The following IQCH variants were observed in gnomAD, a reference collection of about 807,000 sequenced individuals.
The protein encoded by IQCH is IQ motif containing H, also known as IQ domain-containing protein H.
A neutral mutation model predicts 117.0 loss-of-function variants in IQCH; 98 were observed. The ratio of observed to expected loss-of-function variants is 0.84; its 90% confidence interval spans 0.71 to 0.99. IQCH has a LOEUF of 0.99. IQCH is among the 50% of genes least tolerant of loss of function. The probability of loss-of-function intolerance (pLI) is 0.00; values close to 1 mark genes in which losing one functional copy is unlikely to be tolerated. For synonymous variants in IQCH, 412 were observed against 448.2 expected, an observed-to-expected ratio of 0.92 and a Z score of 1.02; for missense variants, 1,102 against 1,243.8, an observed-to-expected ratio of 0.89 and a Z score of 1.72.
At chr15:67,327,123 A>G (rs1968447217) in intron 4 of IQCH, among the ~76,000 whole-genome samples, 1 of 152,208 alleles carries the variant, frequency 6.6e-6, no homozygotes, top group East Asian at 1.9e-4. Flanking sequence ...GTATAATTCA[A>G]TTTATAATTT....
intron 13 of IQCH, among the ~76,000 whole-genome samples, chr15:67,398,652 T>C (rs1371734774): frequency 3.9e-5 from 6 of 152,074 alleles, no homozygotes; most frequent in Non-Finnish European, 1.5e-5. Flanking sequence ...ATCAGGCCTT[T>C]AATCAAAATA....
Position 67,443,447 on chromosome 15 carries a change from G to A in IQCH, c.2506-21680G>A, listed in dbSNP as rs1290035268. 6.6e-6 allele frequency among the ~76,000 whole-genome samples: 1 copy of A among 151,578 alleles called. No homozygotes were observed. Among genetic ancestry groups the A allele is most frequent in the Admixed American group, 6.6e-5 (1 of 15,238 alleles). On this transcript the variant is annotated intron_variant, in intron 16 of 20. Transcript: ENST00000335894. This position sits in a 1 kb window ranked among gnomAD's most constrained non-coding sequence, Gnocchi z 5.0. ...GGGGGAAAGAGTGGGAGGGGGTGAG[G>A]GACAAAAGACCACAAATATGGTGGA...
chr15:67,446,211 TAAAG>T (rs766861962), intron 16 of IQCH, among the ~76,000 whole-genome samples: 10 of 152,320 alleles, frequency 6.6e-5, no homozygotes, highest in Admixed American at 1.3e-4. Flanking sequence ...ATTCACTTGT[TAAAG>T]AAAGAAATTT....
In IQCH at chr15:67,426,128, T is replaced by C. The variant is rs141513739; in HGVS notation, c.2505+4551T>C. On this transcript the variant is annotated intron_variant, in intron 16 of 20. Transcript: ENST00000335894. This position sits in a 1 kb window ranked among gnomAD's most constrained non-coding sequence, Gnocchi z 5.1. Reference sequence around the variant, plus strand: ...GGACCTAGGATCGACTCAGAAGCCCTGTAAGATCTGGGCTCTTAGTGCTGC... The same window carrying C: ...GGACCTAGGATCGACTCAGAAGCCCCGTAAGATCTGGGCTCTTAGTGCTGC... Among the ~76,000 whole-genome samples the C allele has an allele frequency of 6.6e-6, 1 of 152,186 alleles. No individual in the cohort carries two copies. Among genetic ancestry groups the C allele is most frequent in the Non-Finnish European group, 1.5e-5 (1 of 68,034 alleles).
chr15:67,272,624 G>A (rs192370830), intron 3 of IQCH, among the ~76,000 whole-genome samples: 1 of 152,292 alleles, frequency 6.6e-6, no homozygotes, highest in Non-Finnish European at 1.5e-5. Flanking sequence ...TGCGTGCATA[G>A]ACACTTACAC....
chr15:67,303,022 T>C (rs1308930406), intron 4 of IQCH, among the ~76,000 whole-genome samples: 1 of 152,226 alleles, frequency 6.6e-6, no homozygotes, highest in Admixed American at 6.5e-5. Context: ...ACAGACCCTT[T>C]ATAAATGCTT....
rs372446341 is a variant in IQCH, at chr15:67,421,536, G to C, written c.2464G>C (p.Asp822His). 1 of 1,614,194 alleles carries C rather than the reference G, an allele frequency of 6.2e-7. No individual in the cohort carries two copies. ...MRDVVGYFSI[D>H]LVTFIDPSTL... is the part of the protein sequence containing the mutation. ...AGATGTGGTTGGTTACTTTTCGATA[G>C]ATCTGGTGACTTTTATAGATCCAAG... The change falls in exon 16 of 21, where the codon GAT (aspartate) becomes CAT (histidine). Residue 822 changes from aspartate to histidine, a missense_variant. Asp to His is a moderately conservative substitution (Grantham distance 81). Around this residue, in one of 2 missense-constraint regions of IQCH, gnomAD observed 650 missense variants for 794.3 expected, o/e 0.82. Coordinates refer to ENST00000335894, the MANE Select transcript of IQCH (RefSeq NM_001031715.3).
In IQCH at chr15:67,458,407, C is replaced by T. The variant is rs373802472; in HGVS notation, c.2506-6720C>T. On this transcript the variant is annotated intron_variant, in intron 16 of 20. Transcript: ENST00000335894. This position sits in a 1 kb window ranked among gnomAD's most constrained non-coding sequence, Gnocchi z 4.1. ...ATCTATAATACAACCACTTCTCCCA[C>T]CTTCCAGTTACCAGTGTGGTCCAGC... 6.6e-6 allele frequency among the ~76,000 whole-genome samples: 1 copy of T among 152,234 alleles called. No individual in the cohort carries two copies. Among genetic ancestry groups the T allele is most frequent in the East Asian group, 1.9e-4 (1 of 5,200 alleles).
intron 4 of IQCH, 39 bp downstream of exon 4, chr15:67,279,551 A>C (rs752511221): frequency 8.4e-7 from 1 of 1,192,484 alleles, no homozygotes; most frequent in Admixed American, 2.0e-5. Flanking sequence ...AAAGTAGTTT[A>C]GTGATTGCCA....
At chr15:67,318,486 G>A (rs1049982068) in intron 4 of IQCH, among the ~76,000 whole-genome samples, 1 of 152,164 alleles carries the variant, frequency 6.6e-6, no homozygotes, top group Non-Finnish European at 1.5e-5. Context: ...TATGTCCAAT[G>A]TAATTCCAAT....
At position 67,357,434 on chromosome 15, in the gene IQCH, C is replaced by G. The variant is rs764214714; in HGVS notation, c.714+13C>G. ...ACAAAGATCAAAGGTATTTATATTC[C>G]TCACTATAGAAAGAAAATTATTCTT... is the stretch of plus-strand genomic sequence containing the variant. On this transcript the variant is annotated intron_variant, in intron 7 of 20. Transcript: ENST00000335894. The G allele has an allele frequency of 3.7e-5, 55 of 1,503,756 alleles. No homozygotes were observed. Among genetic ancestry groups the G allele is most frequent in the Middle Eastern group, 1.7e-4 (1 of 5,862 alleles). 93.2% of individuals were successfully genotyped at this position (1,503,756 alleles called of 1,614,324 possible).
At chr15:67,392,344 G>GA (rs1971313053) in intron 12 of IQCH, among the ~76,000 whole-genome samples, 1 of 152,090 alleles carries the variant, frequency 6.6e-6, no homozygotes, top group East Asian at 1.9e-4. Flanking sequence ...TAATTTATGG[G>GA]AAAAAGAAAA....
intron 5 of IQCH, among the ~76,000 whole-genome samples, chr15:67,338,241 A>ATCTATCTG (rs71455546): frequency 4.0e-5 from 6 of 150,818 alleles, no homozygotes; most frequent in African/African-American, 1.2e-4. Flanking sequence ...CTATCTATCT[A>ATCTATCTG]TCTATCTGTC....
At chr15:67,423,070 A>G (rs1294661791) in intron 16 of IQCH, among the ~76,000 whole-genome samples, 1 of 152,040 alleles carries the variant, frequency 6.6e-6, no homozygotes, top group Non-Finnish European at 1.5e-5. Flanking sequence ...ATCATTTTCC[A>G]TTTGCCTTCC....
In IQCH at chr15:67,416,275, T is replaced by C. The variant is rs1376339503; in HGVS notation, c.2098-656T>C. Among the ~76,000 whole-genome samples the C allele has an allele frequency of 6.6e-6, 1 of 152,030 alleles. No individual in the cohort carries two copies. Among genetic ancestry groups the C allele is most frequent in the African/African-American group, 2.4e-5 (1 of 41,406 alleles). On this transcript the variant is annotated intron_variant, in intron 14 of 20. Transcript: ENST00000335894. This position sits in a 1 kb window ranked among gnomAD's most constrained non-coding sequence, Gnocchi z 5.1. Reference sequence around the variant, plus strand: ...GCTCATGCCTGTAATCCCAGCACTTTGGGAGGCCGAGGCGGGCGGATCACC... The same window carrying C: ...GCTCATGCCTGTAATCCCAGCACTTCGGGAGGCCGAGGCGGGCGGATCACC...
At chr15:67,319,541 A>T (rs1227329072) in intron 4 of IQCH, among the ~76,000 whole-genome samples, 2 of 152,194 alleles carry the variant, frequency 1.3e-5, no homozygotes, top group African/African-American at 4.8e-5. Flanking sequence ...GACATGTGAG[A>T]CTGAAAAGTA....
Position 67,401,627 on chromosome 15 carries a change from G to GGA in IQCH, c.2097+1330_2097+1331dup. On this transcript the variant is annotated intron_variant, in intron 14 of 20. Coordinates refer to ENST00000335894, the MANE Select transcript of IQCH (RefSeq NM_001031715.3). This position sits in a 1 kb window ranked among gnomAD's most constrained non-coding sequence, Gnocchi z 4.7. The stretch of plus-strand genomic sequence containing the variant: ...GATGAATAAATCTATTGAACAGTCA[G>GGA]GAGAGAGAGTTCCCTTTGACAAATG... Among the ~76,000 whole-genome samples the GGA allele has an allele frequency of 6.6e-6, 1 of 152,166 alleles. No individual in the cohort carries two copies. Among genetic ancestry groups the GGA allele is most frequent in the Non-Finnish European group, 1.5e-5 (1 of 68,032 alleles).
chr15:67,475,592 G>A lies in IQCH; in HGVS notation c.2677-104G>A, dbSNP rs2083183093. On this transcript the variant is annotated intron_variant, in intron 17 of 20. Coordinates refer to ENST00000335894, the MANE Select transcript of IQCH (RefSeq NM_001031715.3). The surrounding 1 kb of genome is among the most constrained non-coding windows in gnomAD (Gnocchi z 5.7). Reference sequence around the variant, plus strand: ...GGAGAACTGGGTGTGGGGGATATAGGAACTCTCAGAATTATCTTCGCAATT... The same window carrying A: ...GGAGAACTGGGTGTGGGGGATATAGAAACTCTCAGAATTATCTTCGCAATT... 1.1e-6 allele frequency: 1 copy of A among 951,636 alleles called. No homozygotes were observed. Among genetic ancestry groups the A allele is most frequent in the South Asian group, 1.6e-5 (1 of 61,924 alleles). 58.9% of individuals were successfully genotyped at this position (951,636 alleles called of 1,614,324 possible).
Position 67,473,464 on chromosome 15 carries a change from C to A in IQCH, c.2677-2232C>A, listed in dbSNP as rs1596459812. Among the ~76,000 whole-genome samples, 1 of 152,244 alleles carries A rather than the reference C, an allele frequency of 6.6e-6. No individual in the cohort carries two copies. The highest frequency in any genetic ancestry group is 6.5e-5 in the Admixed American group (1 of 15,286). On this transcript the variant is annotated intron_variant, in intron 17 of 20. Transcript: ENST00000335894. This position sits in a 1 kb window ranked among gnomAD's most constrained non-coding sequence, Gnocchi z 4.9. ...AGCAACTGCCCTGAGTTGTCCTTCT[C>A]TAAGGATGGTGTGACTGTCCCCTGT...
Sources: allele counts gnomAD v4.1 joint callset (sites outside exome capture counted in the v4.1 genomes callset), GRCh38; gene constraint gnomAD v4.1.1; regional missense constraint gnomAD v4.1.1; non-coding constraint Gnocchi (gnomAD v3.1); transcripts MANE v1.5; gene names NCBI Gene and HGNC (gene_info 2026-07-23, HGNC 2026-07-21).